ZNF768: variants seen among roughly 807,000 people sequenced by gnomAD.
ZNF768 encodes the protein zinc finger protein 768.
In ZNF768, 12 loss-of-function variants were observed where a neutral mutation model predicts 39.7. That is an observed-to-expected ratio of 0.30 (90% CI 0.19 to 0.49). The LOEUF (loss-of-function observed/expected upper bound fraction) is 0.49, where lower values mean the gene tolerates loss of function less well. Among genes scored for constraint, ZNF768 ranks in the 20% least tolerant of loss-of-function variants. The pLI, the probability that ZNF768 is intolerant of heterozygous loss-of-function variation, is 0.99. For missense variants in ZNF768, 613 were observed against 723.2 expected, an observed-to-expected ratio of 0.85 and a Z score of 1.75; for synonymous variants, 360 against 288.4, an observed-to-expected ratio of 1.25 and a Z score of -2.52.
Position 30,524,157 on chromosome 16 carries a change from G to C in ZNF768, c.*360C>G, listed in dbSNP as rs928455750. 3 of 253,436 alleles carry C rather than the reference G, an allele frequency of 1.2e-5. No individual in the cohort carries two copies. Among genetic ancestry groups the C allele is most frequent in the Admixed American group, 5.0e-5 (1 of 19,920 alleles). The allele number at this position is 253,436 out of a possible 1,614,324, so 15.7% of individuals were successfully genotyped here. A position where few individuals can be genotyped will look rare whatever the true frequency, so the allele number is the denominator to read the frequency against. On this transcript the variant is annotated 3_prime_UTR_variant, in exon 2 of 2. Transcript: ENST00000380412. ...CTTTTACCCGCTCCTGACTCAACGA[G>C]AGTTTCAGCAGCTACCAATCTAAGC... is the stretch of plus-strand genomic sequence containing the variant.
chr16:30,524,720 G>A lies in ZNF768; in HGVS notation c.1420C>T (p.Gln474Ter). 1 of 1,601,718 alleles carries A rather than the reference G, an allele frequency of 6.2e-7. No individual in the cohort carries two copies. The highest frequency in any genetic ancestry group is 8.5e-7 in the Non-Finnish European group (1 of 1,175,234). The change falls in exon 2 of 2, where the codon CAG becomes TAG. Residue 474 changes from glutamine to a stop codon, truncating the protein, a stop_gained. Coordinates refer to ENST00000380412, the MANE Select transcript of ZNF768 (RefSeq NM_024671.4). LOFTEE classifies it high-confidence loss of function. ...KTFNRSSTLI[Q>*]HQRSHTGERP... The stretch of plus-strand genomic sequence containing the variant: ...TCGCCCGTGTGGGAGCGCTGGTGCT[G>A]GATGAGAGTGGAGGAGCGATTGAAG...
chr16:30,526,434 G>C lies in ZNF768; in HGVS notation c.-21C>G. The C allele has an allele frequency of 6.5e-7, 1 of 1,531,394 alleles. No homozygotes were observed. Among genetic ancestry groups the C allele is most frequent in the East Asian group, 2.7e-5 (1 of 37,094 alleles). The allele number at this position is 1,531,394 out of a possible 1,614,324, so 94.9% of individuals were successfully genotyped here. The stretch of plus-strand genomic sequence containing the variant: ...TCCATCCCCGCGGGCTCCCAGTGCA[G>C]CGGCGGCGGCGATGGCGGCCGATCC... On this transcript the variant is annotated 5_prime_UTR_variant, in exon 1 of 2. Coordinates refer to ENST00000380412, the MANE Select transcript of ZNF768 (RefSeq NM_024671.4).
chr16:30,529,506 G>A (rs985686786), upstream of ZNF768, among the ~76,000 whole-genome samples: 2 of 152,204 alleles, frequency 1.3e-5, no homozygotes, highest in African/African-American at 4.8e-5. Context: ...CTCATGCAAA[G>A]GACAAGCCCT....
chr16:30,526,938 T>C (rs3794703), upstream of ZNF768: 611,171 of 985,180 alleles, frequency 0.62, 194,302 homozygotes, highest in African/African-American at 0.92. Flanking sequence ...ACGGGGTGGG[T>C]GAGGACCGGA....
chr16:30,524,844 A>G lies in ZNF768; in HGVS notation c.1296T>C (p.Pro432=), dbSNP rs932378097. The G allele has an allele frequency of 3.7e-6, 6 of 1,610,522 alleles. No individual in the cohort carries two copies. The highest frequency in any genetic ancestry group is 8.5e-7 in the Non-Finnish European group (1 of 1,179,680). Residue 432 remains proline, a synonymous_variant, in exon 2 of 2, where the codon CCT becomes CCC. Coordinates refer to ENST00000380412, the MANE Select transcript of ZNF768 (RefSeq NM_024671.4). ...SHAREKPFKC[P]ECGKRFGQSS... ...TCTGGCCAAAGCGCTTGCCGCACTCAGGGCACTTGAAGGGCTTCTCCCGGG... is the reference window on the plus strand; with the variant it reads ...TCTGGCCAAAGCGCTTGCCGCACTCGGGGCACTTGAAGGGCTTCTCCCGGG...
chr16:30,526,189 C>T, intron 1 of ZNF768, 137 bp downstream of exon 1: 1 of 1,522,854 alleles, frequency 6.6e-7, no homozygotes, highest in South Asian at 1.2e-5. Flanking sequence ...CCTCAGCTGA[C>T]CCAAGACACC....
At position 30,526,456 on chromosome 16, in the gene ZNF768, A is replaced by C. The variant is rs752758723; in HGVS notation, c.-43T>G. On this transcript the variant is annotated 5_prime_UTR_variant, in exon 1 of 2. Coordinates refer to ENST00000380412, the MANE Select transcript of ZNF768 (RefSeq NM_024671.4). ...GCAGCGGCGGCGGCGATGGCGGCCG[A>C]TCCCGCGACCCGGCCTCGGTTGCCC... 6.6e-7 allele frequency: 1 copy of C among 1,505,480 alleles called. No homozygotes were observed. Among genetic ancestry groups the C allele is most frequent in the Non-Finnish European group, 8.9e-7 (1 of 1,127,568 alleles). The allele number at this position is 1,505,480 out of a possible 1,614,324, so 93.3% of individuals were successfully genotyped here. A position where few individuals can be genotyped will look rare whatever the true frequency, so the allele number is the denominator to read the frequency against.
In ZNF768 at chr16:30,525,700, G is replaced by C. The variant is rs774526854; in HGVS notation, c.440C>G (p.Ser147Cys). Residue 147 changes from serine to cysteine, a missense_variant, in exon 2 of 2, where the codon TCT (serine) becomes TGT (cysteine). By Grantham distance (112) the Ser-to-Cys change is moderately radical. Around this residue, in one of 4 missense-constraint regions of ZNF768, gnomAD observed 347 missense variants for 326.1 expected, o/e 1.06. Transcript: ENST00000380412. The stretch of plus-strand genomic sequence containing the variant: ...CTCAGTGTTCTGGGATTCATATCTA[G>C]AGCTCTCAGATTCATAGCCAGGGCT... ...PRSPGYESES[S>C]RYESQNTELK... is the part of the protein sequence containing the mutation. The C allele has an allele frequency of 1.2e-6, 2 of 1,613,858 alleles. No individual in the cohort carries two copies. The highest frequency in any genetic ancestry group is 1.1e-5 in the South Asian group (1 of 91,060).
In ZNF768 at chr16:30,525,502, C is replaced by T. The variant is rs780683574; in HGVS notation, c.638G>A (p.Gly213Glu). ...CCCTGTGGGCATCTCAAAAGGTGGC[C>T]CTATGGGCAGGTCCCCTGTGGGCTG... The part of the protein sequence containing the change: ...GEQPTGDLPI[G>E]PPFEMPTGAL... The change falls in exon 2 of 2, where the codon GGG (glycine) becomes GAG (glutamate). Residue 213 changes from glycine to glutamate, a missense_variant. Transcript: ENST00000380412. The T allele has an allele frequency of 6.2e-7, 1 of 1,614,112 alleles. No homozygotes were observed. Among genetic ancestry groups the T allele is most frequent in the Admixed American group, 1.7e-5 (1 of 60,028 alleles).
chr16:30,526,204 T>C (rs1597118813), intron 1 of ZNF768, 122 bp downstream of exon 1: 7 of 1,532,826 alleles, frequency 4.6e-6, no homozygotes, highest in Non-Finnish European at 6.1e-6. Context: ...GACACCCCAG[T>C]CCCCGCCGGC....
In ZNF768 at chr16:30,524,273, G is replaced by A. The variant is rs910472677; in HGVS notation, c.*244C>T. On this transcript the variant is annotated 3_prime_UTR_variant, in exon 2 of 2. Transcript: ENST00000380412. ...GCACCCACCAAGGAGCCGCGGCTGA[G>A]GCCAGCCCTCCGCTGACCTCTCTCC... 2 of 542,214 alleles carry A rather than the reference G, an allele frequency of 3.7e-6. No homozygotes were observed. The highest frequency in any genetic ancestry group is 2.0e-5 in the African/African-American group (1 of 50,416). The allele number at this position is 542,214 out of a possible 1,614,324, so 33.6% of individuals were successfully genotyped here. A position where few individuals can be genotyped will look rare whatever the true frequency, so the allele number is the denominator to read the frequency against.
upstream of ZNF768, among the ~76,000 whole-genome samples, chr16:30,529,477 G>A (rs766171242): frequency 1.3e-5 from 2 of 152,226 alleles, no homozygotes; most frequent in African/African-American, 2.4e-5. Context: ...AGGAGCTTCC[G>A]TATGCACTGC....
upstream of ZNF768, chr16:30,527,031 T>C: frequency 1.0e-6 from 1 of 984,904 alleles, no homozygotes; most frequent in Non-Finnish European, 1.2e-6. Flanking sequence ...CGTCTGTCCA[T>C]CTCCCGGGCC....
chr16:30,525,148 T>C lies in ZNF768; in HGVS notation c.992A>G (p.Tyr331Cys). The C allele has an allele frequency of 6.2e-7, 1 of 1,610,968 alleles. No homozygotes were observed. Among genetic ancestry groups the C allele is most frequent in the Non-Finnish European group, 8.5e-7 (1 of 1,179,034 alleles). Residue 331 changes from tyrosine to cysteine, a missense_variant, in exon 2 of 2, where the codon TAC becomes TGC. Transcript: ENST00000380412. Reference sequence around the variant, plus strand: ...GTGAGTGCGCTGGTGGCGAAGCAGGTAAGAGCTGTCGGCGAAGGCCTTGCC... The same window carrying C: ...GTGAGTGCGCTGGTGGCGAAGCAGGCAAGAGCTGTCGGCGAAGGCCTTGCC... ...RCGKAFADSS[Y>C]LLRHQRTHSG...
rs3751847 is a variant in ZNF768 at position 30,525,351 on chromosome 16, A to G, written c.789T>C (p.Cys263=). The G allele has an allele frequency of 0.6, 970,469 of 1,614,016 alleles. 305,857 individuals are homozygous for G. Among genetic ancestry groups the G allele is most frequent in the African/African-American group, 0.91 (68,628 of 75,034 alleles). ...GCCCGAAGCTCTTCCCGCAGATGCC[A>G]CAGATGTTAGGCCGAGGGCCCTGCC... The part of the protein sequence containing the change: ...RGGQGPRPNI[C]GICGKSFGRG... Residue 263 remains cysteine (C), a synonymous_variant, in exon 2 of 2, where the codon TGT becomes TGC. Transcript: ENST00000380412.
chr16:30,529,066 C>T (rs554385103), upstream of ZNF768, among the ~76,000 whole-genome samples: 1 of 152,346 alleles, frequency 6.6e-6, no homozygotes, highest in South Asian at 2.1e-4. Flanking sequence ...CTCACTGGCA[C>T]CTGGAGTAAG....
upstream of ZNF768, chr16:30,527,021 C>G: frequency 2.0e-6 from 2 of 985,420 alleles, no homozygotes; most frequent in Non-Finnish European, 2.4e-6. Context: ...TCCAGAGGCC[C>G]GTCTGTCCAT....
rs2051300256 is a variant in ZNF768, at chr16:30,524,404, T to G, written c.*113A>C. 1.0e-5 allele frequency: 15 copies of G among 1,456,200 alleles called. No homozygotes were observed. The highest frequency in any genetic ancestry group is 1.2e-5 in the Non-Finnish European group (13 of 1,104,254). 90.2% of individuals were successfully genotyped at this position (1,456,200 alleles called of 1,614,324 possible). On this transcript the variant is annotated 3_prime_UTR_variant, in exon 2 of 2. Transcript: ENST00000380412. The stretch of plus-strand genomic sequence containing the variant: ...CCACCCTGGTTCTCTTCTTCCAGCA[T>G]CCTCAGCTCCTCCATTCTCCTGCGG...
At chr16:30,529,934 C>T (rs909063652), upstream of ZNF768, among the ~76,000 whole-genome samples, 3 of 151,650 alleles carry the variant, frequency 2.0e-5, no homozygotes, top group African/African-American at 7.3e-5. Flanking sequence ...AGCGATTCTC[C>T]TGCCTCACCC....
Sources: gnomAD v4.1 joint callset for allele counts (sites outside exome capture counted in the v4.1 genomes callset) on GRCh38, gnomAD v4.1.1 for gene constraint, gnomAD v4.1.1 regional missense constraint, MANE v1.5 for transcripts, NCBI Gene and HGNC (gene_info 2026-07-23, HGNC 2026-07-21) for gene names.